The following CLEC4C variants were observed in gnomAD, a reference collection of about 807,000 sequenced individuals.
The protein encoded by CLEC4C is C-type (calcium dependent, carbohydrate-recognition domain) lectin, superfamily member 11.
A neutral mutation model predicts 27.7 loss-of-function variants in CLEC4C; 17 were observed. The ratio of observed to expected loss-of-function variants is 0.61; its 90% CI spans 0.42 to 0.92. CLEC4C has a LOEUF of 0.92. CLEC4C is among the 40% of genes least tolerant of loss of function. The probability of loss-of-function intolerance (pLI) is 0.00; values close to 1 mark genes in which losing one functional copy is unlikely to be tolerated. For missense variants in CLEC4C, 244 were observed against 257.3 expected, an observed-to-expected ratio of 0.95 and a Z score of 0.35; for synonymous variants, 80 against 80.8, an observed-to-expected ratio of 0.99 and a Z score of 0.06.
At chr12:7,730,769 A>G in intron 5 of CLEC4C, 28 bp downstream of exon 5, 1 of 1,136,114 alleles carries the variant, frequency 8.8e-7, no homozygotes, top group Non-Finnish European at 1.3e-6. Context: ...ATCAGGACCC[A>G]GTGTCCTTTA....
chr12:7,737,309 T>G, intron 4 of CLEC4C, 120 bp downstream of exon 4: 2 of 916,760 alleles, frequency 2.2e-6, no homozygotes, highest in South Asian at 5.6e-5. Context: ...TTTTTGGGTT[T>G]TTTTTTACCC....
chr12:7,730,609 T>C (rs1166764686), intron 5 of CLEC4C, among the ~76,000 whole-genome samples, 188 bp downstream of exon 5: 1 of 148,022 alleles, frequency 6.8e-6, no homozygotes, highest in Non-Finnish European at 1.5e-5. Flanking sequence ...CACTGCACTC[T>C]AGCCTGGGTG....
intron 3 of CLEC4C, among the ~76,000 whole-genome samples, chr12:7,739,523 G>T (rs891169580): frequency 1.3e-5 from 2 of 152,050 alleles, no homozygotes; most frequent in African/African-American, 4.8e-5. Context: ...CTCCGGCTCT[G>T]CATACGACGC....
At position 7,729,695 on chromosome 12, in the gene CLEC4C, C is replaced by T. The variant is rs267603690; in HGVS notation, c.543G>A (p.Ala181=). Reference sequence around the variant, plus strand: ...CTTCTGAAGAACGGAAATTTATTATCGCACAACGCTCATCAAGGTTATTGG... The same window carrying T: ...CTTCTGAAGAACGGAAATTTATTATTGCACAACGCTCATCAAGGTTATTGG... ...GEPNNLDERC[A]IINFRSSEEW... Residue 181 remains alanine (A), a synonymous_variant, in exon 6 of 6, where the codon GCG becomes GCA. Transcript: ENST00000360345. The T allele has an allele frequency of 9.9e-6, 16 of 1,613,442 alleles. No individual in the cohort carries two copies. Among genetic ancestry groups the T allele is most frequent in the Non-Finnish European group, 1.3e-5 (15 of 1,179,580 alleles).
chr12:7,738,895 T>G lies in CLEC4C; in HGVS notation c.236-1321A>C, dbSNP rs750151303. ...GGTTACATATGTATACATGTGCCAC[T>G]TTGGTGTGCTGCACCCATTAACTCG... On this transcript the variant is annotated intron_variant, in intron 3 of 5. Coordinates refer to ENST00000360345, the MANE Select transcript of CLEC4C (RefSeq NM_001371390.1). Among the ~76,000 whole-genome samples, 711 of 152,228 alleles carry G rather than the reference T, an allele frequency of 4.7e-3. 4 individuals carry two copies. Among genetic ancestry groups the G allele is most frequent in the African/African-American group, 0.016 (673 of 41,542 alleles).
chr12:7,741,705 T>A lies in CLEC4C; in HGVS notation c.125-174A>T, dbSNP rs140233014. ...GAGTTAGAGACCAGCCTGGCTAACA[T>A]GGTGAAACCCCGTCTCCACCAAAAA... is the stretch of plus-strand genomic sequence containing the variant. On this transcript the variant is annotated intron_variant, in intron 2 of 5. Transcript: ENST00000360345. 4.1e-3 allele frequency among the ~76,000 whole-genome samples: 622 copies of A among 152,154 alleles called. 2 individuals carry two copies. Among genetic ancestry groups the A allele is most frequent in the Non-Finnish European group, 6.8e-3 (459 of 67,982 alleles).
At chr12:7,740,022 C>T (rs1440052268) in intron 3 of CLEC4C, among the ~76,000 whole-genome samples, 3 of 151,842 alleles carry the variant, frequency 2.0e-5, no homozygotes, top group African/African-American at 7.3e-5. Flanking sequence ...TTAATAGAGA[C>T]AGGGTTTCTC....
In CLEC4C at chr12:7,736,197, C is replaced by T. The variant is rs139265079; in HGVS notation, c.381+1232G>A. On this transcript the variant is annotated intron_variant, in intron 4 of 5. Coordinates refer to ENST00000360345, the MANE Select transcript of CLEC4C (RefSeq NM_001371390.1). ...ACTCGGGAAGCTGAGGCAGGAGAAT[C>T]GCTTGAACCTGGGAGGCGGAGGTTG... 4.6e-3 allele frequency among the ~76,000 whole-genome samples: 704 copies of T among 152,186 alleles called. 4 individuals are homozygous for T. Among genetic ancestry groups the T allele is most frequent in the African/African-American group, 0.016 (666 of 41,532 alleles).
rs1302564735 is a variant in CLEC4C, at chr12:7,734,581, C to T, written c.381+2848G>A. ...TTTTTTTTTTTTTGAGACAGTTTTG[C>T]TTTTTCACCCAGACTGGAACGAAGT... is the stretch of plus-strand genomic sequence containing the variant. On this transcript the variant is annotated intron_variant, in intron 4 of 5. Transcript: ENST00000360345. 2.8e-5 allele frequency among the ~76,000 whole-genome samples: 4 copies of T among 141,652 alleles called. No homozygotes were observed. In the East Asian group the frequency reaches 8.2e-4, roughly 29 times the overall value. 92.9% of individuals were successfully genotyped at this position (141,652 alleles called of 152,430 possible).
rs771272343 is a variant in CLEC4C at position 7,739,182 on chromosome 12, G to C, written c.236-1608C>G. On this transcript the variant is annotated intron_variant, in intron 3 of 5. Coordinates refer to ENST00000360345, the MANE Select transcript of CLEC4C (RefSeq NM_001371390.1). ...GGCTGGAGTGCAGTGGTGTGATCTCGGCTCACTGCAACCTTCGCCTCCCGG... is the reference window on the plus strand; with the variant it reads ...GGCTGGAGTGCAGTGGTGTGATCTCCGCTCACTGCAACCTTCGCCTCCCGG... Among the ~76,000 whole-genome samples the C allele has an allele frequency of 1.2e-4, 18 of 150,422 alleles. No homozygotes were observed. The East Asian group carries it at 3.4e-3, about 28-fold the overall frequency.
chr12:7,747,240 C>T, intron 1 of CLEC4C, 78 bp downstream of exon 1: 2 of 1,254,758 alleles, frequency 1.6e-6, no homozygotes, highest in Admixed American at 1.7e-5. Context: ...CCAAAGTCAT[C>T]CCTATCACCT....
Position 7,730,915 on chromosome 12 carries a change from G to A in CLEC4C, c.382-3C>T, listed in dbSNP as rs1864582550. 2.0e-6 allele frequency: 3 copies of A among 1,501,658 alleles called. No individual in the cohort carries two copies. Among genetic ancestry groups the A allele is most frequent in the Non-Finnish European group, 2.8e-6 (3 of 1,078,122 alleles). The allele number at this position is 1,501,658 out of a possible 1,614,324, so 93.0% of individuals were successfully genotyped here. On this transcript the variant is annotated splice_polypyrimidine_tract_variant and splice_region_variant and intron_variant, in intron 4 of 5. Transcript: ENST00000360345. ...TTCAGATTCTGAATGATGAAATCCTGAGGGAAGAAAATGGAAGAGTCATAG... is the reference window on the plus strand; with the variant it reads ...TTCAGATTCTGAATGATGAAATCCTAAGGGAAGAAAATGGAAGAGTCATAG...
In CLEC4C at chr12:7,729,441, T is replaced by G. The variant is rs771824682; in HGVS notation, c.*155A>C. On this transcript the variant is annotated 3_prime_UTR_variant, in exon 6 of 6. Transcript: ENST00000360345. ...ATGAATAAATGAATAAATGAATGTG[T>G]GAATGGATTATATCATAAGTGTAAT... The G allele has an allele frequency of 1.6e-6, 1 of 613,460 alleles. No homozygotes were observed. The highest frequency in any genetic ancestry group is 1.9e-5 in the African/African-American group (1 of 53,848). 38.0% of individuals were successfully genotyped at this position (613,460 alleles called of 1,614,324 possible). A position where few individuals can be genotyped will look rare whatever the true frequency, so the allele number is the denominator to read the frequency against.
chr12:7,732,516 T>C (rs1314574015), intron 4 of CLEC4C, among the ~76,000 whole-genome samples: 1 of 150,108 alleles, frequency 6.7e-6, no homozygotes, highest in Non-Finnish European at 1.5e-5. Flanking sequence ...CATGCCCAGC[T>C]AATTTTTTTG....
chr12:7,744,306 T>A (rs1338199517), intron 2 of CLEC4C, among the ~76,000 whole-genome samples: 2 of 152,228 alleles, frequency 1.3e-5, no homozygotes, highest in Non-Finnish European at 2.9e-5. Context: ...TAGTAATAAT[T>A]CTGCCTCTTG....
intron 2 of CLEC4C, among the ~76,000 whole-genome samples, chr12:7,745,830 T>C (rs1266235681): frequency 6.6e-6 from 1 of 152,042 alleles, no homozygotes; most frequent in Non-Finnish European, 1.5e-5. Context: ...AACCTGGAAG[T>C]ACACACAATT....
chr12:7,737,452 C>G lies in CLEC4C; in HGVS notation c.358G>C (p.Val120Leu). The change falls in exon 4 of 6, where the codon GTG becomes CTG. Residue 120 changes from valine (V) to leucine (L), a missense_variant. Physicochemically the swap from Val to Leu is conservative, Grantham distance 32. Transcript: ENST00000360345. ...ACCTGTTCTTCCCTGGTGTTGATCA[C>G]CACCAGATCAGCCCCCATCACAGAA... ...NCSVMGADLV[V>L]INTREEQDFI... is the part of the protein sequence containing the mutation. 1 of 1,613,642 alleles carries G rather than the reference C, an allele frequency of 6.2e-7. No homozygotes were observed. The highest frequency in any genetic ancestry group is 8.5e-7 in the Non-Finnish European group (1 of 1,179,846).
chr12:7,738,822 T>C (rs1864786405), intron 3 of CLEC4C, among the ~76,000 whole-genome samples: 1 of 152,162 alleles, frequency 6.6e-6, no homozygotes, highest in Non-Finnish European at 1.5e-5. Context: ...AGTTTTGTTT[T>C]GTTTTTAATT....
chr12:7,732,139 C>T (rs574391492), intron 4 of CLEC4C, among the ~76,000 whole-genome samples: 2 of 150,270 alleles, frequency 1.3e-5, no homozygotes, highest in Non-Finnish European at 3.0e-5. Context: ...AAGTGAGTAT[C>T]CTGCCGCAGC....
Sources: gnomAD v4.1 joint callset for allele counts (sites outside exome capture counted in the v4.1 genomes callset) on GRCh38, gnomAD v4.1.1 for gene constraint, MANE v1.5 for transcripts, NCBI Gene and HGNC (gene_info 2026-07-23, HGNC 2026-07-21) for gene names.